The following PRKD1 variants were observed in gnomAD, a reference collection of about 807,000 sequenced individuals.
The protein encoded by PRKD1 is serine/threonine-protein kinase D1.
In PRKD1, 63 loss-of-function variants were observed where a neutral mutation model predicts 95.9. The observed-to-expected ratio is 0.66, with a 90% CI of 0.54 to 0.81. The LOEUF (loss-of-function observed/expected upper bound fraction) is 0.81, where lower values mean the gene tolerates loss of function less well. Among genes scored for constraint, PRKD1 ranks in the 30% least tolerant of loss-of-function variants. The pLI, the probability that PRKD1 is intolerant of heterozygous loss-of-function variation, is 0.00. For synonymous variants in PRKD1, 425 were observed against 423.1 expected (o/e 1.00, Z -0.05); for missense variants, 1,048 against 1,165.3 (o/e 0.90, Z 1.47).
chr14:29,636,546 G>T (rs767389128), intron 6 of PRKD1, 52 bp from the exon 7 acceptor site: 1 of 1,574,470 alleles, frequency 6.4e-7, no homozygotes, highest in African/African-American at 1.4e-5. Context: ...TGGAGCCAGG[G>T]CTTAAGAGAC....
At chr14:29,871,524 G>A (rs954468680) in intron 1 of PRKD1, among the ~76,000 whole-genome samples, 4 of 152,162 alleles carry the variant, frequency 2.6e-5, no homozygotes, top group African/African-American at 9.7e-5. Flanking sequence ...CCTCGAACAA[G>A]TGACTTGCCC....
At chr14:29,809,546 A>G (rs1368262463) in intron 1 of PRKD1, among the ~76,000 whole-genome samples, 1 of 152,220 alleles carries the variant, frequency 6.6e-6, no homozygotes, top group East Asian at 1.9e-4. Flanking sequence ...ACTTGCTGCT[A>G]CACCTTGCAC....
At position 29,927,518 on chromosome 14, in the gene PRKD1, G is replaced by A. The variant is rs913392873; in HGVS notation, c.-6C>T. On this transcript the variant is annotated 5_prime_UTR_variant, in exon 1 of 18. Transcript: ENST00000331968. The stretch of plus-strand genomic sequence containing the variant: ...AGGACCGGAGGGGCGCTCATCGCTC[G>A]GCGGGGCGCAGGGCCGGGCAGCGGA... 2.7e-5 allele frequency: 32 copies of A among 1,182,552 alleles called. No homozygotes were observed. In the African/African-American group the frequency reaches 4.7e-4, roughly 17 times the overall value. 73.3% of individuals were successfully genotyped at this position (1,182,552 alleles called of 1,614,324 possible).
At chr14:29,590,680 T>C (rs186722926) in intron 16 of PRKD1, among the ~76,000 whole-genome samples, 1 of 152,352 alleles carries the variant, frequency 6.6e-6, no homozygotes, top group East Asian at 1.9e-4. Flanking sequence ...TGATAAATTC[T>C]AGGTTATAAC....
intron 4 of PRKD1, among the ~76,000 whole-genome samples, chr14:29,659,690 A>C (rs1768137892): frequency 6.6e-6 from 1 of 152,182 alleles, no homozygotes; most frequent in South Asian, 2.1e-4. Flanking sequence ...GTCATTACAG[A>C]CTTAACTTTA....
At chr14:29,868,402 T>C (rs1469446564) in intron 1 of PRKD1, among the ~76,000 whole-genome samples, 1 of 152,158 alleles carries the variant, frequency 6.6e-6, no homozygotes. Flanking sequence ...GTCTGAATTG[T>C]TTTAAAAAGG....
intron 1 of PRKD1, among the ~76,000 whole-genome samples, chr14:29,874,611 TAA>T (rs1280013211): frequency 3.3e-5 from 5 of 152,096 alleles, no homozygotes; most frequent in African/African-American, 9.7e-5. Flanking sequence ...GGCAAAAAGA[TAA>T]AGACAATGTG....
Position 29,624,241 on chromosome 14 carries a change from C to T in PRKD1, c.1816G>A (p.Gly606Arg). The stretch of plus-strand genomic sequence containing the variant: ...ATGATTTTAATAGCTACATCTCTTC[C>T]TGTTTTACGATGTTTTCCTTTAAAA... ...IVYGGKHRKT[G>R]RDVAIKIIDK... The change falls in exon 13 of 18, where the codon GGA becomes AGA. Residue 606 changes from glycine (G) to arginine (R), a missense_variant. Gly to Arg is a moderately radical substitution (Grantham distance 125). Around this residue, in one of 3 missense-constraint regions of PRKD1, gnomAD observed 739 missense variants for 861.9 expected, o/e 0.86. Transcript: ENST00000331968. The T allele has an allele frequency of 6.3e-7, 1 of 1,599,118 alleles. No individual in the cohort carries two copies. The highest frequency in any genetic ancestry group is 8.5e-7 in the Non-Finnish European group (1 of 1,172,462).
intron 16 of PRKD1, among the ~76,000 whole-genome samples, chr14:29,588,538 G>A (rs1035898661): frequency 5.3e-5 from 8 of 152,134 alleles, no homozygotes; most frequent in Non-Finnish European, 7.4e-5. Flanking sequence ...TTGAGATACC[G>A]TGTATTCTAT....
intron 2 of PRKD1, among the ~76,000 whole-genome samples, chr14:29,710,721 C>A (rs559235831): frequency 4.6e-5 from 7 of 152,070 alleles, no homozygotes; most frequent in African/African-American, 1.7e-4. Flanking sequence ...GACAAATGTA[C>A]CATGACAATG....
intron 1 of PRKD1, among the ~76,000 whole-genome samples, chr14:29,732,686 T>C (rs545556676): frequency 6.6e-6 from 1 of 152,180 alleles, no homozygotes; most frequent in Non-Finnish European, 1.5e-5. Flanking sequence ...CTGAAAGTTT[T>C]TATCTCATCT....
intron 16 of PRKD1, among the ~76,000 whole-genome samples, chr14:29,578,692 A>G (rs903955045): frequency 6.6e-6 from 1 of 152,082 alleles, no homozygotes; most frequent in Non-Finnish European, 1.5e-5. Flanking sequence ...TACATCATTT[A>G]AATATGTCTT....
rs1893140377 is a variant in PRKD1, at chr14:29,872,421, G to T, written c.264+54828C>A. On this transcript the variant is annotated intron_variant, in intron 1 of 17. Transcript: ENST00000331968. ...CTCACGCCTGTAATCCCAGCACTTT[G>T]AGAGGCCAAGGTGGGTGGATCACGA... 2.0e-5 allele frequency among the ~76,000 whole-genome samples: 3 copies of T among 152,066 alleles called. No homozygotes were observed. In the South Asian group the frequency reaches 6.2e-4, roughly 32 times the overall value.
At chr14:29,847,291 C>T (rs1892116237) in intron 1 of PRKD1, among the ~76,000 whole-genome samples, 1 of 152,144 alleles carries the variant, frequency 6.6e-6, no homozygotes, top group Non-Finnish European at 1.5e-5. Flanking sequence ...CCCATAAATG[C>T]TAAACAACTC....
intron 13 of PRKD1, 117 bp downstream of exon 13, chr14:29,624,030 ATTATT>A: frequency 1.7e-6 from 1 of 605,258 alleles, no homozygotes; most frequent in Non-Finnish European, 2.7e-6. Context: ...TGCCATTTCA[ATTATT>A]TTAAAGTGTT....
chr14:29,587,008 GA>G (rs1892956936), intron 16 of PRKD1, among the ~76,000 whole-genome samples: 1 of 152,176 alleles, frequency 6.6e-6, no homozygotes, highest in Admixed American at 6.5e-5. Context: ...ATAAAGCAGA[GA>G]GTGCTTGTGC....
intron 1 of PRKD1, among the ~76,000 whole-genome samples, chr14:29,872,266 A>C (rs1385848816): frequency 6.6e-6 from 1 of 152,248 alleles, no homozygotes; most frequent in Non-Finnish European, 1.5e-5. Context: ...GAAAAAATTT[A>C]TTAGTGTACT....
chr14:29,716,875 T>C (rs1025394031), intron 2 of PRKD1, among the ~76,000 whole-genome samples: 4 of 152,156 alleles, frequency 2.6e-5, no homozygotes, highest in African/African-American at 9.7e-5. Context: ...GAATTAAGTA[T>C]AATTTTGCTT....
chr14:29,927,255 G>A lies in PRKD1; in HGVS notation c.258C>T (p.Asp86=), dbSNP rs1224162088. Residue 86 remains aspartate (D), a synonymous_variant, in exon 1 of 18, where the codon GAC becomes GAT. Transcript: ENST00000331968. ...CAGCGGTGCGGCGACTTACCTTCTGGTCGACAATGGAGCAAGCCATCTCGC... is the reference window on the plus strand; with the variant it reads ...CAGCGGTGCGGCGACTTACCTTCTGATCGACAATGGAGCAAGCCATCTCGC... ...HVREMACSIV[D]QKFPECGFYG... 5 of 1,506,204 alleles carry A rather than the reference G, an allele frequency of 3.3e-6. No individual in the cohort carries two copies. Among genetic ancestry groups the A allele is most frequent in the South Asian group, 1.3e-5 (1 of 79,920 alleles). The allele number at this position is 1,506,204 out of a possible 1,614,324, so 93.3% of individuals were successfully genotyped here. A position where few individuals can be genotyped will look rare whatever the true frequency, so the allele number is the denominator to read the frequency against.
Sources: allele counts gnomAD v4.1 joint callset (sites outside exome capture counted in the v4.1 genomes callset), GRCh38; gene constraint gnomAD v4.1.1; regional missense constraint gnomAD v4.1.1; transcripts MANE v1.5; gene names NCBI Gene and HGNC (gene_info 2026-07-23, HGNC 2026-07-21).